The following CNTN4 variants were observed in gnomAD, a reference collection of about 807,000 sequenced individuals.
CNTN4 encodes the protein contactin-4.
Under a neutral mutation model 122.5 loss-of-function variants are expected in CNTN4, and 77 were observed. That is an observed-to-expected ratio of 0.63 (90% confidence interval 0.52 to 0.76). The LOEUF (loss-of-function observed/expected upper bound fraction) is 0.76, where lower values mean the gene tolerates loss of function less well. CNTN4 is among the 30% of genes least tolerant of loss of function. The pLI, the probability that CNTN4 is intolerant of heterozygous loss-of-function variation, is 0.00. For synonymous variants in CNTN4, 512 were observed against 447.0 expected, an observed-to-expected ratio of 1.15 and a Z score of -1.83; for missense variants, 1,256 against 1,259.1, an observed-to-expected ratio of 1.00 and a Z score of 0.04.
chr3:2,734,648 CTT>C (rs71058638), intron 4 of CNTN4, among the ~76,000 whole-genome samples: 15 of 139,484 alleles, frequency 1.1e-4, no homozygotes, highest in Admixed American at 3.6e-4. Flanking sequence ...GCATGAAGTG[CTT>C]TTTTTTTTTT....
chr3:2,184,375 C>T (rs935961084), intron 2 of CNTN4, among the ~76,000 whole-genome samples: 2 of 152,024 alleles, frequency 1.3e-5, no homozygotes, highest in African/African-American at 2.4e-5. Flanking sequence ...AGAGACAGAG[C>T]CCAGAGCATG....
At chr3:2,605,362 A>G (rs2081214324) in intron 4 of CNTN4, among the ~76,000 whole-genome samples, 1 of 152,096 alleles carries the variant, frequency 6.6e-6, no homozygotes, top group Non-Finnish European at 1.5e-5. Context: ...GAGGTGGGAG[A>G]AGGGGATCAG....
At chr3:2,443,064 A>G (rs2048494780) in intron 3 of CNTN4, among the ~76,000 whole-genome samples, 1 of 152,074 alleles carries the variant, frequency 6.6e-6, no homozygotes, top group East Asian at 1.9e-4. Flanking sequence ...TGGGTTATGA[A>G]GTAATGTATA....
At chr3:2,942,840 C>G (rs774064982) in intron 13 of CNTN4, among the ~76,000 whole-genome samples, 8 of 152,108 alleles carry the variant, frequency 5.3e-5, no homozygotes, top group Non-Finnish European at 1.2e-4. Flanking sequence ...CCAAATTTAT[C>G]TGGAAATCAA....
chr3:2,195,721 G>A (rs2037804636), intron 2 of CNTN4, among the ~76,000 whole-genome samples: 2 of 152,152 alleles, frequency 1.3e-5, no homozygotes, highest in Non-Finnish European at 2.9e-5. Flanking sequence ...GGAATCACAT[G>A]GCTATTCTAT....
At chr3:2,640,913 G>T (rs2082870747) in intron 4 of CNTN4, among the ~76,000 whole-genome samples, 1 of 152,136 alleles carries the variant, frequency 6.6e-6, no homozygotes, top group South Asian at 2.1e-4. Flanking sequence ...TCTCTCTGAA[G>T]GAGGCAGTAT....
intron 3 of CNTN4, among the ~76,000 whole-genome samples, chr3:2,402,064 A>G (rs1025012823): frequency 1.3e-5 from 2 of 152,144 alleles, no homozygotes; most frequent in Admixed American, 6.6e-5. Flanking sequence ...CTACAACCAT[A>G]CTTGAGTAGA....
intron 7 of CNTN4, among the ~76,000 whole-genome samples, chr3:2,843,412 G>T (rs562875146): frequency 6.6e-6 from 1 of 152,202 alleles, no homozygotes; most frequent in Admixed American, 6.5e-5. Flanking sequence ...CTTCCTAACT[G>T]GTGTCCCTCC....
intron 2 of CNTN4, among the ~76,000 whole-genome samples, chr3:2,265,105 T>G (rs79981463): frequency 6.6e-6 from 1 of 152,148 alleles, no homozygotes; most frequent in Non-Finnish European, 1.5e-5. Context: ...AGTGAGAACA[T>G]ACCATGTTTG....
At chr3:2,160,138 T>A (rs2149170746) in intron 2 of CNTN4, among the ~76,000 whole-genome samples, 1 of 152,252 alleles carries the variant, frequency 6.6e-6, no homozygotes, top group East Asian at 1.9e-4. Context: ...GTTACTAAAT[T>A]ATAATTTTAA....
intron 13 of CNTN4, among the ~76,000 whole-genome samples, chr3:2,928,965 T>A (rs2094496571): frequency 6.6e-6 from 1 of 152,244 alleles, no homozygotes; most frequent in African/African-American, 2.4e-5. Flanking sequence ...TAAAATATGT[T>A]ATTGTTTTGG....
In CNTN4 at chr3:2,751,356, G is replaced by A. The variant is rs760705388; in HGVS notation, c.358+5659G>A. ...AAAAAAAATAAAGATGCTCATGTAT[G>A]GAATGAATCAAACAAGCCCTCAAAG... On this transcript the variant is annotated intron_variant, in intron 6 of 24. Coordinates refer to ENST00000418658, the MANE Select transcript of CNTN4 (RefSeq NM_175607.3). Among the ~76,000 whole-genome samples, 14 of 152,064 alleles carry A rather than the reference G, an allele frequency of 9.2e-5. No homozygotes were observed. The South Asian group carries it at 1.0e-3, about 11-fold the overall frequency.
intron 3 of CNTN4, among the ~76,000 whole-genome samples, chr3:2,567,158 C>A (rs2149465657): frequency 6.7e-6 from 1 of 149,652 alleles, no homozygotes; most frequent in African/African-American, 2.5e-5. Flanking sequence ...ACGATCTCGG[C>A]TCACTGCAAC....
At chr3:2,764,942 A>G (rs775738538) in intron 6 of CNTN4, among the ~76,000 whole-genome samples, 1 of 152,196 alleles carries the variant, frequency 6.6e-6, no homozygotes, top group African/African-American at 2.4e-5. Flanking sequence ...GGGCTAGGGT[A>G]TGATTCCAGG....
At chr3:2,386,714 C>T (rs1000759741) in intron 3 of CNTN4, among the ~76,000 whole-genome samples, 5 of 152,034 alleles carry the variant, frequency 3.3e-5, no homozygotes, top group African/African-American at 4.8e-5. Flanking sequence ...TCTTTAGAAA[C>T]GAAAGGGAAA....
intron 3 of CNTN4, among the ~76,000 whole-genome samples, chr3:2,386,088 A>G (rs1193939855): frequency 6.6e-6 from 1 of 152,016 alleles, no homozygotes; most frequent in Non-Finnish European, 1.5e-5. Context: ...TATCTATGAC[A>G]TTGGTTAGAT....
At chr3:2,437,771 C>A (rs2048306554) in intron 3 of CNTN4, among the ~76,000 whole-genome samples, 1 of 152,096 alleles carries the variant, frequency 6.6e-6, no homozygotes, top group South Asian at 2.1e-4. Context: ...AGCGTAATCG[C>A]CAATATCTTT....
chr3:2,854,912 T>G (rs1017986618), intron 7 of CNTN4, among the ~76,000 whole-genome samples: 1 of 152,230 alleles, frequency 6.6e-6, no homozygotes, highest in Non-Finnish European at 1.5e-5. Context: ...CAGAAATTGC[T>G]TAGCTTAAAG....
chr3:2,429,235 G>C (rs1042773865), intron 3 of CNTN4, among the ~76,000 whole-genome samples: 2 of 152,196 alleles, frequency 1.3e-5, no homozygotes, highest in Admixed American at 6.5e-5. Flanking sequence ...GGTCTTTGAT[G>C]ATGGTGACCT....
Sources: allele counts gnomAD v4.1 joint callset (sites outside exome capture counted in the v4.1 genomes callset), GRCh38; gene constraint gnomAD v4.1.1; transcripts MANE v1.5; gene names NCBI Gene and HGNC (gene_info 2026-07-23, HGNC 2026-07-21).